Variants in PLXDC2 observed in about 807,000 individuals in gnomAD.
The protein encoded by PLXDC2 is plexin domain-containing protein 2.
A neutral mutation model predicts 68.9 loss-of-function variants in PLXDC2; 40 were observed. The observed-to-expected ratio is 0.58, with a 90% CI of 0.45 to 0.76. The LOEUF is 0.76. Among genes scored for constraint, PLXDC2 ranks in the 30% least tolerant of loss-of-function variants. PLXDC2 has a pLI of 0.00. For missense variants in PLXDC2, 644 were observed against 661.9 expected (o/e 0.97, Z 0.30); for synonymous variants, 243 against 234.2 (o/e 1.04, Z -0.34).
intron 1 of PLXDC2, among the ~76,000 whole-genome samples, chr10:19,879,800 C>G (rs1837696630): frequency 1.3e-5 from 2 of 152,128 alleles, no homozygotes; most frequent in Non-Finnish European, 2.9e-5. Flanking sequence ...AAGATTGTGG[C>G]TGGTCAATCT....
chr10:19,856,478 A>G (rs1172457923), intron 1 of PLXDC2, among the ~76,000 whole-genome samples: 1 of 151,908 alleles, frequency 6.6e-6, no homozygotes, highest in Non-Finnish European at 1.5e-5. Flanking sequence ...TGCCAGTTTG[A>G]TGGTCTGTGA....
chr10:20,164,607 TG>T (rs1834349851), intron 7 of PLXDC2, 40 bp downstream of exon 7: 1 of 1,484,318 alleles, frequency 6.7e-7, no homozygotes, highest in Non-Finnish European at 9.4e-7. Flanking sequence ...TGAGCCTCTG[TG>T]GGGGTAAATT....
intron 7 of PLXDC2, among the ~76,000 whole-genome samples, chr10:20,169,798 C>A (rs941556276): frequency 5.3e-5 from 8 of 152,172 alleles, no homozygotes; most frequent in Non-Finnish European, 7.3e-5. Flanking sequence ...CAGGGCCTTG[C>A]ACTAGAAACC....
At chr10:19,973,482 CA>C (rs1368450198) in intron 1 of PLXDC2, among the ~76,000 whole-genome samples, 1 of 148,542 alleles carries the variant, frequency 6.7e-6, no homozygotes, top group Non-Finnish European at 1.5e-5. Flanking sequence ...GATATTTGTT[CA>C]AAGATACTTT....
chr10:20,056,668 C>CATA (rs1554762925), intron 3 of PLXDC2, among the ~76,000 whole-genome samples: 1 of 152,146 alleles, frequency 6.6e-6, no homozygotes, highest in Non-Finnish European at 1.5e-5. Context: ...CAAACCTTAG[C>CATA]TTCCCAAAGC....
intron 12 of PLXDC2, among the ~76,000 whole-genome samples, chr10:20,240,155 A>G (rs1835495581): frequency 6.6e-6 from 1 of 152,072 alleles, no homozygotes; most frequent in Non-Finnish European, 1.5e-5. Flanking sequence ...TGTTTAACAC[A>G]CACTTACAAG....
intron 9 of PLXDC2, among the ~76,000 whole-genome samples, chr10:20,186,528 C>T (rs2358872): frequency 0.92 from 139,926 of 151,950 alleles, 64,538 homozygotes; most frequent in Non-Finnish European, 0.95. Context: ...CTAAGCCTAC[C>T]AACCAATAGT....
chr10:20,208,304 A>C (rs1320311873), intron 9 of PLXDC2, among the ~76,000 whole-genome samples: 1 of 152,186 alleles, frequency 6.6e-6, no homozygotes, highest in African/African-American at 2.4e-5. Flanking sequence ...GGCAAAAGAC[A>C]CATCTTACAT....
intron 1 of PLXDC2, among the ~76,000 whole-genome samples, chr10:19,878,975 T>C (rs1837682295): frequency 6.6e-6 from 1 of 152,224 alleles, no homozygotes; most frequent in Non-Finnish European, 1.5e-5. Flanking sequence ...TATTTCCTTT[T>C]TAGCTTAGTC....
At chr10:20,254,428 G>A (rs1354535539) in intron 13 of PLXDC2, among the ~76,000 whole-genome samples, 1 of 152,194 alleles carries the variant, frequency 6.6e-6, no homozygotes, top group Non-Finnish European at 1.5e-5. Flanking sequence ...GTAGTTCATA[G>A]AGAAATCACT....
At chr10:19,965,488 C>A (rs967053104) in intron 1 of PLXDC2, among the ~76,000 whole-genome samples, 1 of 152,096 alleles carries the variant, frequency 6.6e-6, no homozygotes, top group Non-Finnish European at 1.5e-5. Flanking sequence ...TTTCACATCA[C>A]CTGAATTCCT....
chr10:20,142,357 G>T (rs756058053), intron 4 of PLXDC2, among the ~76,000 whole-genome samples: 1 of 152,100 alleles, frequency 6.6e-6, no homozygotes, highest in Non-Finnish European at 1.5e-5. Flanking sequence ...GCATTTGCAT[G>T]TGTAATCTCA....
intron 1 of PLXDC2, among the ~76,000 whole-genome samples, chr10:19,974,984 A>G (rs1033088232): frequency 1.3e-5 from 2 of 152,204 alleles, no homozygotes; most frequent in African/African-American, 2.4e-5. Context: ...TAAAAATCAT[A>G]TGAACACATA....
Position 20,240,252 on chromosome 10 carries a change from A to G in PLXDC2, c.1313-5093A>G, listed in dbSNP as rs1268072956. Among the ~76,000 whole-genome samples, 12 of 152,116 alleles carry G rather than the reference A, an allele frequency of 7.9e-5. 1 individual carries two copies. Among genetic ancestry groups the G allele is most frequent in the Admixed American group, 7.9e-4 (12 of 15,280 alleles). On this transcript the variant is annotated intron_variant, in intron 12 of 13. Coordinates refer to ENST00000377252, the MANE Select transcript of PLXDC2 (RefSeq NM_032812.9). ...ACCTCTTTCCGTGTTGCTTCCTTCA[A>G]AGAATAGGATCTCATTCTTTTTCTG...
chr10:19,939,549 G>A (rs1031436504), intron 1 of PLXDC2, among the ~76,000 whole-genome samples: 10 of 152,112 alleles, frequency 6.6e-5, no homozygotes, highest in Admixed American at 1.3e-4. Context: ...CTAGCTACAC[G>A]TTTAAACTTC....
At position 20,001,860 on chromosome 10, in the gene PLXDC2, A is replaced by T; in HGVS notation, c.198A>T (p.Lys66Asn). ...VDSHAYSHRW[K>N]RNLDFLKAVD... The stretch of plus-strand genomic sequence containing the variant: ...CACACGCGTACAGCCACAGGTGGAA[A>T]AGAAACTTGGACTTTCTCAAGGCGG... Residue 66 changes from lysine to asparagine, a missense_variant, in exon 2 of 14, where the codon AAA (lysine) becomes AAT (asparagine). Around this residue, in one of 3 missense-constraint regions of PLXDC2, gnomAD observed 201 missense variants for 166.9 expected, o/e 1.20. Transcript: ENST00000377252. The T allele has an allele frequency of 6.2e-7, 1 of 1,614,070 alleles. No homozygotes were observed. The highest frequency in any genetic ancestry group is 8.5e-7 in the Non-Finnish European group (1 of 1,180,006).
chr10:19,887,962 C>T (rs1837880301), intron 1 of PLXDC2, among the ~76,000 whole-genome samples: 1 of 152,220 alleles, frequency 6.6e-6, no homozygotes, highest in Non-Finnish European at 1.5e-5. Context: ...TACTTCTGCA[C>T]AGCCTACATT....
intron 9 of PLXDC2, among the ~76,000 whole-genome samples, chr10:20,199,513 A>G (rs1277260892): frequency 1.3e-5 from 2 of 151,988 alleles, no homozygotes; most frequent in African/African-American, 2.4e-5. Flanking sequence ...ATAGCGTTCT[A>G]TATCAGAAAT....
At chr10:19,853,417 T>C (rs1387849775) in intron 1 of PLXDC2, among the ~76,000 whole-genome samples, 3 of 151,974 alleles carry the variant, frequency 2.0e-5, no homozygotes, top group Non-Finnish European at 4.4e-5. Flanking sequence ...ATTTTAATTT[T>C]TATTTATTTA....
Sources: allele counts gnomAD v4.1 joint callset (sites outside exome capture counted in the v4.1 genomes callset), GRCh38; gene constraint gnomAD v4.1.1; regional missense constraint gnomAD v4.1.1; transcripts MANE v1.5; gene names NCBI Gene and HGNC (gene_info 2026-07-23, HGNC 2026-07-21).